Variants in ARHGAP44 observed in about 807,000 individuals in gnomAD.
ARHGAP44 encodes rho GTPase-activating protein 44.
A neutral mutation model predicts 106.8 loss-of-function variants in ARHGAP44; 43 were observed. The observed-to-expected ratio is 0.40, with a 90% CI of 0.32 to 0.52. The LOEUF is 0.52. ARHGAP44 is among the 20% of genes least tolerant of loss of function. The pLI is 0.48. For missense variants in ARHGAP44, 866 were observed against 1,050.5 expected (o/e 0.82, Z 2.43); for synonymous variants, 439 against 410.3 (o/e 1.07, Z -0.85).
At chr17:12,884,451 G>A (rs2036827212) in intron 1 of ARHGAP44, among the ~76,000 whole-genome samples, 1 of 152,124 alleles carries the variant, frequency 6.6e-6, no homozygotes, top group Non-Finnish European at 1.5e-5. Context: ...TAAGAGCTTA[G>A]AACACTTAAC....
intron 1 of ARHGAP44, among the ~76,000 whole-genome samples, chr17:12,873,935 AAATAAATAAATAAATAAAAG>A (rs1177667879): frequency 2.2e-4 from 10 of 46,232 alleles, no homozygotes; most frequent in South Asian, 1.1e-3. Flanking sequence ...ATAAACAAAT[AAATAAATAAATAAATAAAAG>A]AAAGAAAGAA....
intron 6 of ARHGAP44, among the ~76,000 whole-genome samples, chr17:12,925,411 T>C (rs2038203093): frequency 6.6e-6 from 1 of 152,170 alleles, no homozygotes; most frequent in South Asian, 2.1e-4. Context: ...AAGTGGGGGA[T>C]GCCCATGGCA....
intron 3 of ARHGAP44, among the ~76,000 whole-genome samples, chr17:12,907,424 G>A (rs957147480): frequency 2.3e-4 from 35 of 152,084 alleles, no homozygotes; most frequent in African/African-American, 7.7e-4. Flanking sequence ...GTTCCAGAAC[G>A]TTTCCATCAT....
intron 1 of ARHGAP44, among the ~76,000 whole-genome samples, chr17:12,884,649 G>C (rs1172348240): frequency 6.6e-6 from 1 of 152,082 alleles, no homozygotes; most frequent in Non-Finnish European, 1.5e-5. Flanking sequence ...GAACAATTCT[G>C]TTACCTCAAA....
chr17:12,956,891 A>C (rs2039142404), intron 15 of ARHGAP44, 145 bp downstream of exon 15: 3 of 634,134 alleles, frequency 4.7e-6, no homozygotes. Flanking sequence ...ACACACACGC[A>C]TGCAGACATG....
At chr17:12,894,553 GTGTT>G in intron 1 of ARHGAP44, among the ~76,000 whole-genome samples, 1 of 152,170 alleles carries the variant, frequency 6.6e-6, no homozygotes, top group East Asian at 1.9e-4. Context: ...TACTGTCTCT[GTGTT>G]TGTTGTTAAT....
chr17:12,871,901 A>G (rs2036417720), intron 1 of ARHGAP44, among the ~76,000 whole-genome samples: 1 of 152,160 alleles, frequency 6.6e-6, no homozygotes, highest in Admixed American at 6.5e-5. Context: ...AGATGCCAGC[A>G]TCATGCTTCC....
chr17:12,958,583 A>C lies in ARHGAP44; in HGVS notation c.1343-134A>C. On this transcript the variant is annotated intron_variant, in intron 15 of 20. Transcript: ENST00000379672. This position sits in a 1 kb window ranked among gnomAD's most constrained non-coding sequence, Gnocchi z 4.1. Reference sequence around the variant, plus strand: ...CCTGTTAATGTGATGCATTATATTAATAAGGTGAACCATGGGATGAAATTT... The same window carrying C: ...CCTGTTAATGTGATGCATTATATTACTAAGGTGAACCATGGGATGAAATTT... The C allele has an allele frequency of 1.2e-6, 1 of 813,808 alleles. No homozygotes were observed. Among genetic ancestry groups the C allele is most frequent in the South Asian group, 1.8e-5 (1 of 56,532 alleles). The allele number at this position is 813,808 out of a possible 1,614,324, so 50.4% of individuals were successfully genotyped here.
At chr17:12,962,811 C>T (rs1275576193) in intron 16 of ARHGAP44, among the ~76,000 whole-genome samples, 3 of 151,960 alleles carry the variant, frequency 2.0e-5, no homozygotes, top group East Asian at 1.9e-4. Context: ...TTTGGGTGGC[C>T]GAGTTGGGTG....
intron 16 of ARHGAP44, among the ~76,000 whole-genome samples, chr17:12,962,384 G>A (rs1227244750): frequency 6.6e-6 from 1 of 152,138 alleles, no homozygotes; most frequent in Non-Finnish European, 1.5e-5. Context: ...CATCATTGTG[G>A]TAGGTAAAAT....
At position 12,955,958 on chromosome 17, in the gene ARHGAP44, C is replaced by T. The variant is rs2039116845; in HGVS notation, c.1228C>T (p.Leu410Phe). 1 of 1,612,956 alleles carries T rather than the reference C, an allele frequency of 6.2e-7. No individual in the cohort carries two copies. The highest frequency in any genetic ancestry group is 8.5e-7 in the Non-Finnish European group (1 of 1,179,378). Residue 410 changes from leucine (L) to phenylalanine (F), a missense_variant, in exon 14 of 21, where the codon CTC (leucine) becomes TTC (phenylalanine). By Grantham distance (22) the Leu-to-Phe change is conservative. Transcript: ENST00000379672. Reference sequence around the variant, plus strand: ...TATGGCAATTGTTTTAGGACCCAACCTCCTATGGCCACAAGCAGAAGGGTA... The same window carrying T: ...TATGGCAATTGTTTTAGGACCCAACTTCCTATGGCCACAAGCAGAAGGGTA... The part of the protein sequence containing the change: ...SNMAIVLGPN[L>F]LWPQAEGNIT...
chr17:12,805,529 T>C lies in ARHGAP44; in HGVS notation c.53+15638T>C, dbSNP rs138062293. Among the ~76,000 whole-genome samples the C allele has an allele frequency of 1.4e-3, 209 of 152,118 alleles. 1 individual carries two copies. The highest frequency in any genetic ancestry group is 4.8e-3 in the African/African-American group (198 of 41,392). ...TTTCTGTACTAACAAGAATCTGACT[T>C]TGGCGTTAGAATTATTAGTAGTTCC... is the stretch of plus-strand genomic sequence containing the variant. On this transcript the variant is annotated intron_variant, in intron 1 of 20. Coordinates refer to ENST00000379672, the MANE Select transcript of ARHGAP44 (RefSeq NM_014859.6).
chr17:12,914,785 A>G (rs1213611863), intron 4 of ARHGAP44, among the ~76,000 whole-genome samples: 1 of 148,712 alleles, frequency 6.7e-6, no homozygotes, highest in African/African-American at 2.5e-5. Flanking sequence ...AACAAGAGTG[A>G]AACTCCATCT....
intron 1 of ARHGAP44, among the ~76,000 whole-genome samples, chr17:12,823,068 C>T (rs1367822683): frequency 6.6e-6 from 1 of 152,180 alleles, no homozygotes; most frequent in African/African-American, 2.4e-5. Context: ...CTGGCAATCC[C>T]TCTTGACAGC....
At chr17:12,910,158 T>A (rs2037681730) in intron 4 of ARHGAP44, among the ~76,000 whole-genome samples, 1 of 152,026 alleles carries the variant, frequency 6.6e-6, no homozygotes, top group South Asian at 2.1e-4. Context: ...AAGGACTAGT[T>A]AAGGCTACAT....
intron 1 of ARHGAP44, among the ~76,000 whole-genome samples, chr17:12,793,510 C>T (rs565189389): frequency 6.6e-6 from 1 of 152,242 alleles, no homozygotes; most frequent in Non-Finnish European, 1.5e-5. Context: ...GAGTTCGAGA[C>T]CAGCCTGGCC....
chr17:12,834,465 C>T (rs138047004), intron 1 of ARHGAP44, among the ~76,000 whole-genome samples: 1 of 152,336 alleles, frequency 6.6e-6, no homozygotes, highest in African/African-American at 2.4e-5. Context: ...GATGGCATCA[C>T]TGCATTCCAG....
At chr17:12,855,117 G>A (rs533559531) in intron 1 of ARHGAP44, among the ~76,000 whole-genome samples, 1 of 152,090 alleles carries the variant, frequency 6.6e-6, no homozygotes. Context: ...GTGGGTAAAA[G>A]AAATCTGCTC....
At chr17:12,843,483 G>T (rs2035476447) in intron 1 of ARHGAP44, among the ~76,000 whole-genome samples, 1 of 151,814 alleles carries the variant, frequency 6.6e-6, no homozygotes, top group African/African-American at 2.4e-5. Context: ...GCTGATTTTG[G>T]CACCTCGTTC....
Sources: allele counts gnomAD v4.1 joint callset (sites outside exome capture counted in the v4.1 genomes callset), GRCh38; gene constraint gnomAD v4.1.1; non-coding constraint Gnocchi (gnomAD v3.1); transcripts MANE v1.5; gene names NCBI Gene and HGNC (gene_info 2026-07-23, HGNC 2026-07-21).